Variants in SEMA5A observed in about 807,000 individuals in gnomAD.
SEMA5A encodes the protein semaphorin-5A.
In SEMA5A, 55 loss-of-function variants were observed where a neutral mutation model predicts 135.5. The observed-to-expected ratio is 0.41, with a 90% CI of 0.33 to 0.51. SEMA5A has a LOEUF of 0.51. Ranked by LOEUF, SEMA5A falls within the 20% of genes least tolerant of loss-of-function variation. The probability of loss-of-function intolerance (pLI) is 0.37; values close to 1 mark genes in which losing one functional copy is unlikely to be tolerated. For synonymous variants in SEMA5A, 580 were observed against 546.5 expected (o/e 1.06, Z -0.85); for missense variants, 1,290 against 1,419.9 (o/e 0.91, Z 1.47).
intron 9 of SEMA5A, among the ~76,000 whole-genome samples, 181 bp downstream of exon 9, chr5:9,201,774 C>T (rs1745717591): frequency 6.6e-6 from 1 of 152,172 alleles, no homozygotes; most frequent in Non-Finnish European, 1.5e-5. Flanking sequence ...ACCAGTCTCA[C>T]AAATCACATA....
chr5:9,218,690 T>C (rs1363463225), intron 8 of SEMA5A, among the ~76,000 whole-genome samples: 2 of 152,198 alleles, frequency 1.3e-5, no homozygotes, highest in Non-Finnish European at 2.9e-5. Context: ...CATCATTATA[T>C]GTAAGCAGCT....
intron 16 of SEMA5A, among the ~76,000 whole-genome samples, chr5:9,079,188 G>T (rs112313179): frequency 1.3e-5 from 2 of 152,120 alleles, no homozygotes; most frequent in African/African-American, 2.4e-5. Context: ...AAATGCAAAA[G>T]AACGGAAATC....
intron 1 of SEMA5A, among the ~76,000 whole-genome samples, chr5:9,526,152 A>C (rs961700909): frequency 2.0e-5 from 3 of 152,240 alleles, no homozygotes; most frequent in African/African-American, 7.2e-5. Flanking sequence ...CGAGCTGCAA[A>C]GTCTTACTAC....
chr5:9,267,662 A>T (rs559859139), intron 5 of SEMA5A, among the ~76,000 whole-genome samples: 1 of 151,760 alleles, frequency 6.6e-6, no homozygotes, highest in South Asian at 2.1e-4. Flanking sequence ...CTCTTTCTTC[A>T]CTCTTCTTTC....
At chr5:9,523,456 C>T (rs759435454) in intron 1 of SEMA5A, among the ~76,000 whole-genome samples, 7 of 152,108 alleles carry the variant, frequency 4.6e-5, no homozygotes, top group Non-Finnish European at 8.8e-5. Context: ...TAATTGCAAC[C>T]ACTCCATATT....
intron 8 of SEMA5A, among the ~76,000 whole-genome samples, chr5:9,215,543 G>A (rs977208715): frequency 6.6e-6 from 1 of 151,776 alleles, no homozygotes; most frequent in African/African-American, 2.4e-5. Context: ...ACATAGGATT[G>A]AAGCTATCAT....
At chr5:9,049,351 G>T (rs1240846580) in intron 21 of SEMA5A, among the ~76,000 whole-genome samples, 1 of 152,034 alleles carries the variant, frequency 6.6e-6, no homozygotes, top group Non-Finnish European at 1.5e-5. Context: ...TGGTACAGAT[G>T]GCATTTCGTC....
At chr5:9,280,729 G>A (rs55821543) in intron 5 of SEMA5A, 39,746 of 262,466 alleles carry the variant, frequency 0.15, 3,327 homozygotes, top group East Asian at 0.24. Flanking sequence ...TTACATGGAG[G>A]ACTCTCAAGT....
At chr5:9,154,442 C>G in intron 12 of SEMA5A, 46 bp downstream of exon 12, 2 of 1,587,144 alleles carry the variant, frequency 1.3e-6, no homozygotes, top group Non-Finnish European at 1.7e-6. Flanking sequence ...TCTGGGTGGG[C>G]CCTTCACACA....
chr5:9,400,731 C>A lies in SEMA5A; in HGVS notation c.-77-20708G>T, dbSNP rs1213132672. ...CCATTTTAGCCGGGATGGTCTCGATCTCCTGACCTCGTGATCCGCCCGCCT... is the reference window on the plus strand; with the variant it reads ...CCATTTTAGCCGGGATGGTCTCGATATCCTGACCTCGTGATCCGCCCGCCT... On this transcript the variant is annotated intron_variant, in intron 2 of 22. Transcript: ENST00000382496. 5.0e-4 allele frequency among the ~76,000 whole-genome samples: 27 copies of A among 54,344 alleles called. 8 individuals carry two copies. Among genetic ancestry groups the A allele is most frequent in the South Asian group, 6.5e-4 (1 of 1,544 alleles). The allele number at this position is 54,344 out of a possible 152,430, so 35.7% of individuals were successfully genotyped here.
intron 13 of SEMA5A, among the ~76,000 whole-genome samples, chr5:9,130,143 T>C (rs939174653): frequency 6.6e-6 from 1 of 152,196 alleles, no homozygotes; most frequent in East Asian, 1.9e-4. Context: ...ATTTGATTTG[T>C]TCATGTCCAT....
chr5:9,095,421 G>A (rs1739262646), intron 16 of SEMA5A, among the ~76,000 whole-genome samples: 1 of 152,136 alleles, frequency 6.6e-6, no homozygotes, highest in African/African-American at 2.4e-5. Flanking sequence ...TAAAAATATA[G>A]TAGCCGCTGT....
rs78246443 is a variant in SEMA5A, at chr5:9,156,370, C to T, written c.1274-1675G>A. On this transcript the variant is annotated intron_variant, in intron 11 of 22. Transcript: ENST00000382496. ...GGAACTAACAGGGACAAGATGGGGG[C>T]TTCAGGGAAGGTGACATCAGCTCAC... Among the ~76,000 whole-genome samples the T allele has an allele frequency of 6.1e-3, 929 of 152,266 alleles. 6 individuals are homozygous for T. The highest frequency in any genetic ancestry group is 9.8e-3 in the Non-Finnish European group (667 of 68,030).
chr5:9,355,941 G>A (rs1205719), intron 3 of SEMA5A, among the ~76,000 whole-genome samples: 100,493 of 152,096 alleles, frequency 0.66, 34,065 homozygotes, highest in South Asian at 0.76. Context: ...ATTTCAGAGC[G>A]ATGGCTATGA....
At position 9,513,055 on chromosome 5, in the gene SEMA5A, A is replaced by AAT. The variant is rs1194051281; in HGVS notation, c.-175+32527_-175+32528dup. Among the ~76,000 whole-genome samples, 370 of 110,970 alleles carry AAT rather than the reference A, an allele frequency of 3.3e-3. 3 individuals carry two copies. The highest frequency in any genetic ancestry group is 5.4e-3 in the Non-Finnish European group (286 of 53,050). The allele number at this position is 110,970 out of a possible 152,430, so 72.8% of individuals were successfully genotyped here. ...CCTTATTTTGCTGAAATGAGATGCAAATATATATATATAATATATATATAT... is the reference window on the plus strand; with the variant it reads ...CCTTATTTTGCTGAAATGAGATGCAAATATATATATATATAATATATATATAT... On this transcript the variant is annotated intron_variant, in intron 1 of 22. Transcript: ENST00000382496.
intron 3 of SEMA5A, among the ~76,000 whole-genome samples, chr5:9,343,773 A>G (rs1341578001): frequency 3.9e-5 from 6 of 152,182 alleles, no homozygotes; most frequent in African/African-American, 1.4e-4. Flanking sequence ...CTTGCCTGCT[A>G]CCAGTTTCCT....
At chr5:9,206,435 A>G (rs1336717089) in intron 8 of SEMA5A, among the ~76,000 whole-genome samples, 2 of 152,096 alleles carry the variant, frequency 1.3e-5, no homozygotes, top group Admixed American at 6.5e-5. Flanking sequence ...GTGACTCACC[A>G]TATATGTAAT....
Position 9,090,249 on chromosome 5 carries a change from T to G in SEMA5A, c.2073+17891A>C, listed in dbSNP as rs1579373942. 2.0e-5 allele frequency among the ~76,000 whole-genome samples: 3 copies of G among 152,296 alleles called. 1 individual carries two copies. The South Asian group carries it at 6.2e-4, about 32-fold the overall frequency. On this transcript the variant is annotated intron_variant, in intron 16 of 22. Transcript: ENST00000382496. ...CACAAAGGCACTTTCAGGATAGCAA[T>G]GCCTCTGGATGCCATTTATTTCTAA...
chr5:9,154,410 A>C, intron 12 of SEMA5A, 78 bp downstream of exon 12: 12 of 1,391,420 alleles, frequency 8.6e-6, no homozygotes, highest in Non-Finnish European at 1.2e-5. Flanking sequence ...ACTTCAGGGC[A>C]TCTGAAGCCT....
Sources: gnomAD v4.1 joint callset for allele counts (sites outside exome capture counted in the v4.1 genomes callset) on GRCh38, gnomAD v4.1.1 for gene constraint, MANE v1.5 for transcripts, NCBI Gene and HGNC (gene_info 2026-07-23, HGNC 2026-07-21) for gene names.